RPS6KC1: variants seen among roughly 807,000 people sequenced by gnomAD.
RPS6KC1 encodes inactive ribosomal protein S6 kinase delta-1.
In RPS6KC1, 54 loss-of-function variants were observed where a neutral mutation model predicts 103.8. That is an observed-to-expected ratio of 0.52 (90% CI 0.42 to 0.65). The LOEUF is 0.65. RPS6KC1 is among the 30% of genes least tolerant of loss of function. The probability of loss-of-function intolerance (pLI) is 0.00; values close to 1 mark genes in which losing one functional copy is unlikely to be tolerated. For missense variants in RPS6KC1, 1,151 were observed against 1,253.8 expected (o/e 0.92, Z 1.24); for synonymous variants, 439 against 438.7 (o/e 1.00, Z -0.01).
At chr1:213,204,042 C>T (rs2093260659) in intron 8 of RPS6KC1, among the ~76,000 whole-genome samples, 1 of 152,158 alleles carries the variant, frequency 6.6e-6, no homozygotes, top group African/African-American at 2.4e-5. Context: ...CTGAATTAGA[C>T]ACCCCTCTTC....
chr1:213,150,207 TTTC>T (rs1249508092), intron 6 of RPS6KC1, among the ~76,000 whole-genome samples: 1 of 152,098 alleles, frequency 6.6e-6, no homozygotes, highest in African/African-American at 2.4e-5. Context: ...TTTAGTGGTC[TTTC>T]TTCTTTCTTT....
At chr1:213,215,948 G>T (rs1182333489) in intron 8 of RPS6KC1, among the ~76,000 whole-genome samples, 1 of 152,154 alleles carries the variant, frequency 6.6e-6, no homozygotes, top group African/African-American at 2.4e-5. Context: ...AGACCATTGA[G>T]GCTAGGAAGA....
intron 8 of RPS6KC1, among the ~76,000 whole-genome samples, chr1:213,176,952 A>G (rs1241880826): frequency 6.6e-6 from 1 of 152,166 alleles, no homozygotes; most frequent in African/African-American, 2.4e-5. Flanking sequence ...TTGTATTTGC[A>G]TCTTGGTGGA....
intron 7 of RPS6KC1, among the ~76,000 whole-genome samples, chr1:213,168,182 T>C (rs760194351): frequency 1.5e-4 from 23 of 152,222 alleles, no homozygotes; most frequent in Non-Finnish European, 2.4e-4. Flanking sequence ...TCTTGGTCTT[T>C]TATTAGTTTC....
chr1:213,398,687 A>G, the RPS6KC1 span, among the ~76,000 whole-genome samples: 1 of 152,110 alleles, frequency 6.6e-6, no homozygotes, highest in East Asian at 1.9e-4. Context: ...ATTGCAGTGC[A>G]TGTCTTAAAA....
the RPS6KC1 span, among the ~76,000 whole-genome samples, chr1:213,420,973 T>C: frequency 0.7 from 106,605 of 151,998 alleles, 37,600 homozygotes; most frequent in Non-Finnish European, 0.74. Context: ...ATGCAAATTT[T>C]CCCTTCTGAT....
intron 4 of RPS6KC1, among the ~76,000 whole-genome samples, chr1:213,112,413 G>A (rs1247330633): frequency 4.0e-5 from 6 of 151,688 alleles, no homozygotes; most frequent in Non-Finnish European, 1.5e-5. Flanking sequence ...AACCTAAATA[G>A]GGAATTAAAA....
At chr1:213,602,195 TCCCTCCCTCCCTCCCTCCATTCC>T in the RPS6KC1 span, among the ~76,000 whole-genome samples, 17 of 85,512 alleles carry the variant, frequency 2.0e-4, no homozygotes, top group Middle Eastern at 5.3e-3. Context: ...TCTTTTTCCC[TCCCTCCCTCCCTCCCTCCATTCC>T]TTCTTCCTTC....
At chr1:213,504,624 A>G in the RPS6KC1 span, among the ~76,000 whole-genome samples, 1 of 152,220 alleles carries the variant, frequency 6.6e-6, no homozygotes, top group Non-Finnish European at 1.5e-5. Context: ...CTGAAAATGT[A>G]ACACTTACTT....
At chr1:213,651,406 A>G in the RPS6KC1 span, among the ~76,000 whole-genome samples, 8 of 152,328 alleles carry the variant, frequency 5.3e-5, no homozygotes, top group East Asian at 1.5e-3. Context: ...ACAACTGTGT[A>G]TCGGCCCCCA....
intron 1 of RPS6KC1, among the ~76,000 whole-genome samples, chr1:213,065,956 A>T (rs1464339642): frequency 6.6e-6 from 1 of 152,222 alleles, no homozygotes; most frequent in Non-Finnish European, 1.5e-5. Context: ...GAAGGTGAAT[A>T]GCCATGTGGC....
chr1:213,529,910 AG>A, the RPS6KC1 span, among the ~76,000 whole-genome samples: 1 of 152,064 alleles, frequency 6.6e-6, no homozygotes, highest in Non-Finnish European at 1.5e-5. Context: ...TGAGATTGGG[AG>A]ATTCATCCCA....
chr1:213,719,144 A>G, the RPS6KC1 span, among the ~76,000 whole-genome samples: 1 of 152,248 alleles, frequency 6.6e-6, no homozygotes, highest in Admixed American at 6.5e-5. Flanking sequence ...CCAAACCAAC[A>G]TGAGTAAACT....
chr1:213,287,232 A>ATGTGTG, the RPS6KC1 span, among the ~76,000 whole-genome samples: 1,213 of 146,814 alleles, frequency 8.3e-3, 13 homozygotes, highest in African/African-American at 0.029. Flanking sequence ...TGCCTATACA[A>ATGTGTG]TGTGTGTGTG....
chr1:213,762,772 C>T, the RPS6KC1 span, among the ~76,000 whole-genome samples: 2 of 151,926 alleles, frequency 1.3e-5, no homozygotes, highest in South Asian at 2.1e-4. Flanking sequence ...CAAATACACA[C>T]ACAAGTATTT....
chr1:213,652,933 G>A, the RPS6KC1 span, among the ~76,000 whole-genome samples: 2 of 152,222 alleles, frequency 1.3e-5, no homozygotes, highest in Non-Finnish European at 2.9e-5. Flanking sequence ...TTGTCATGTA[G>A]CAAAGGCTAA....
chr1:213,700,729 T>C, the RPS6KC1 span, among the ~76,000 whole-genome samples: 1 of 152,076 alleles, frequency 6.6e-6, no homozygotes, highest in African/African-American at 2.4e-5. Flanking sequence ...CTTAAATTTC[T>C]TTCATCAGTG....
At chr1:213,070,881 A>C in intron 1 of RPS6KC1, 125 bp from the exon 2 acceptor site, 1 of 605,880 alleles carries the variant, frequency 1.7e-6, no homozygotes, top group South Asian at 2.1e-5. Flanking sequence ...TGGATAAATG[A>C]TATAGTGTTT....
At chr1:213,447,108 C>T in the RPS6KC1 span, among the ~76,000 whole-genome samples, 1 of 151,466 alleles carries the variant, frequency 6.6e-6, no homozygotes, top group African/African-American at 2.4e-5. Flanking sequence ...CACTCTGTTG[C>T]CCAAGCTGGA....
Sources: allele counts gnomAD v4.1 joint callset (sites outside exome capture counted in the v4.1 genomes callset), GRCh38; gene constraint gnomAD v4.1.1; transcripts MANE v1.5; gene names NCBI Gene and HGNC (gene_info 2026-07-23, HGNC 2026-07-21).